SREK1IP1: variants seen among roughly 807,000 people sequenced by gnomAD.
SREK1IP1 encodes the protein protein SREK1IP1.
SREK1IP1 carries 12 observed loss-of-function variants against 22.8 expected under a neutral mutation model. The observed-to-expected ratio is 0.53, with a 90% CI of 0.34 to 0.85. SREK1IP1 has a LOEUF of 0.85. Among genes scored for constraint, SREK1IP1 ranks in the 40% least tolerant of loss-of-function variants. The probability of loss-of-function intolerance (pLI) is 0.02; values close to 1 mark genes in which losing one functional copy is unlikely to be tolerated. For synonymous variants in SREK1IP1, 53 were observed against 52.7 expected, an observed-to-expected ratio of 1.01 and a Z score of -0.02; for missense variants, 147 against 171.8, an observed-to-expected ratio of 0.86 and a Z score of 0.81.
intron 1 of SREK1IP1, among the ~76,000 whole-genome samples, chr5:64,767,084 T>C (rs1743047095): frequency 6.6e-6 from 1 of 152,218 alleles, no homozygotes; most frequent in African/African-American, 2.4e-5. Flanking sequence ...CTCCCATCTG[T>C]ATTTGAGTTC....
At chr5:64,759,476 ATGACC>A (rs1742908229) in intron 1 of SREK1IP1, among the ~76,000 whole-genome samples, 1 of 152,160 alleles carries the variant, frequency 6.6e-6, no homozygotes, top group African/African-American at 2.4e-5. Flanking sequence ...CTTTCTAATC[ATGACC>A]TGCAATCCAA....
At position 64,768,690 on chromosome 5, in the gene SREK1IP1, A is replaced by C. The variant is rs1743119492; in HGVS notation, c.-173T>G. On this transcript the variant is annotated 5_prime_UTR_variant, in exon 1 of 5. Transcript: ENST00000513458. The stretch of plus-strand genomic sequence containing the variant: ...CCTCTAGCGACGGCAGAACCAGTAG[A>C]TGCGGATGCAGTTTCCGGACGAGTC... 1.3e-6 allele frequency: 1 copy of C among 766,886 alleles called. No homozygotes were observed. Among genetic ancestry groups the C allele is most frequent in the Non-Finnish European group, 2.2e-6 (1 of 463,526 alleles). The allele number at this position is 766,886 out of a possible 1,614,324, so 47.5% of individuals were successfully genotyped here. A position where few individuals can be genotyped will look rare whatever the true frequency, so the allele number is the denominator to read the frequency against.
intron 2 of SREK1IP1, among the ~76,000 whole-genome samples, chr5:64,747,657 G>A (rs544303368): frequency 1.3e-5 from 2 of 151,656 alleles, no homozygotes; most frequent in Admixed American, 1.3e-4. Context: ...GGCCGGGCGC[G>A]GTGGCTCACG....
rs1240831553 is a variant in SREK1IP1, at chr5:64,722,298, G to T, written c.*2086C>A. 6.6e-6 allele frequency: 1 copy of T among 151,990 alleles called. No homozygotes were observed. The highest frequency in any genetic ancestry group is 1.5e-5 in the Non-Finnish European group (1 of 67,986). The allele number at this position is 151,990 out of a possible 1,614,324, so 9.4% of individuals were successfully genotyped here. A position where few individuals can be genotyped will look rare whatever the true frequency, so the allele number is the denominator to read the frequency against. On this transcript the variant is annotated 3_prime_UTR_variant, in exon 5 of 5. Transcript: ENST00000513458. ...ACTTTTGCTCTTCTCAGTCATTATT[G>T]TGTCACCATTCAGAAACCTAATGAG...
intron 1 of SREK1IP1, among the ~76,000 whole-genome samples, chr5:64,762,025 C>T (rs781397190): frequency 1.1e-4 from 16 of 152,112 alleles, no homozygotes; most frequent in Non-Finnish European, 2.2e-4. Flanking sequence ...GTCAGTGGTC[C>T]GCAAAGGAAT....
rs145590204 is a variant in SREK1IP1 at position 64,726,734 on chromosome 5, C to A, written c.278+1373G>T. On this transcript the variant is annotated intron_variant, in intron 4 of 4. Transcript: ENST00000513458. Reference sequence around the variant, plus strand: ...CCCTTAAATATGCTCAGAACACTTACATTAGCCTCTAGTTGGGCAAAATCA... The same window carrying A: ...CCCTTAAATATGCTCAGAACACTTAAATTAGCCTCTAGTTGGGCAAAATCA... Among the ~76,000 whole-genome samples, 1,038 of 152,258 alleles carry A rather than the reference C, an allele frequency of 6.8e-3. 11 individuals are homozygous for A. The highest frequency in any genetic ancestry group is 0.024 in the African/African-American group (1,013 of 41,556).
chr5:64,759,982 G>T (rs541729284), intron 1 of SREK1IP1, among the ~76,000 whole-genome samples: 4 of 152,242 alleles, frequency 2.6e-5, no homozygotes, highest in Non-Finnish European at 4.4e-5. Context: ...TCACATTTGG[G>T]AATTAGTTCT....
chr5:64,721,381 C>T lies in SREK1IP1; in HGVS notation c.*3003G>A, dbSNP rs1742158536. On this transcript the variant is annotated 3_prime_UTR_variant, in exon 5 of 5. Transcript: ENST00000513458. ...TTTATCAACATTATTAACAACTCTT[C>T]AGCCTAGTTTACTCTGAAGGTAAAC... is the stretch of plus-strand genomic sequence containing the variant. 1 of 152,138 alleles carries T rather than the reference C, an allele frequency of 6.6e-6. No homozygotes were observed. The highest frequency in any genetic ancestry group is 2.1e-4 in the South Asian group (1 of 4,830). The allele number at this position is 152,138 out of a possible 1,614,324, so 9.4% of individuals were successfully genotyped here.
At chr5:64,734,809 T>C (rs1054315453) in intron 3 of SREK1IP1, among the ~76,000 whole-genome samples, 2 of 152,124 alleles carry the variant, frequency 1.3e-5, no homozygotes, top group Admixed American at 1.3e-4. Context: ...AGAAGCTTTT[T>C]TGAAAGATTC....
At chr5:64,734,125 C>T (rs1742420089) in intron 3 of SREK1IP1, among the ~76,000 whole-genome samples, 1 of 152,014 alleles carries the variant, frequency 6.6e-6, no homozygotes, top group East Asian at 1.9e-4. Context: ...AGGTAAGGGA[C>T]AAAAGGGTCT....
chr5:64,724,694 A>T lies in SREK1IP1; in HGVS notation c.279-121T>A, dbSNP rs901183167. 5.3e-6 allele frequency: 4 copies of T among 755,100 alleles called. No homozygotes were observed. The African/African-American group carries it at 7.2e-5, about 14-fold the overall frequency. 46.8% of individuals were successfully genotyped at this position (755,100 alleles called of 1,614,324 possible). A position where few individuals can be genotyped will look rare whatever the true frequency, so the allele number is the denominator to read the frequency against. On this transcript the variant is annotated intron_variant, in intron 4 of 4. Transcript: ENST00000513458. ...AGGTAGGGAGTATAAACATAAACTT[A>T]AAAAATGCTTCATATATTTGCATTC... is the stretch of plus-strand genomic sequence containing the variant.
chr5:64,754,491 G>C (rs188050207), intron 1 of SREK1IP1, 129 bp from the exon 2 acceptor site: 2 of 810,948 alleles, frequency 2.5e-6, no homozygotes, highest in Non-Finnish European at 3.9e-6. Flanking sequence ...TTGAGACAAG[G>C]TGTCACTCTG....
intron 3 of SREK1IP1, among the ~76,000 whole-genome samples, chr5:64,731,187 T>A (rs1742372080): frequency 2.0e-5 from 3 of 151,414 alleles, no homozygotes; most frequent in Admixed American, 2.0e-4. Context: ...AGAAGATGAG[T>A]TAGGGTGTTG....
intron 2 of SREK1IP1, among the ~76,000 whole-genome samples, chr5:64,749,095 A>AATG (rs1742697301): frequency 6.8e-6 from 1 of 147,746 alleles, no homozygotes; most frequent in South Asian, 2.1e-4. Context: ...TAATAATAAT[A>AATG]ATAATAATAA....
intron 3 of SREK1IP1, among the ~76,000 whole-genome samples, chr5:64,731,071 T>C (rs1742370378): frequency 6.6e-6 from 1 of 152,030 alleles, no homozygotes; most frequent in South Asian, 2.1e-4. Context: ...AAGCGTACAG[T>C]GTATGCCATT....
intron 1 of SREK1IP1, among the ~76,000 whole-genome samples, chr5:64,759,357 A>C (rs1742906152): frequency 6.6e-6 from 1 of 152,192 alleles, no homozygotes; most frequent in Admixed American, 6.5e-5. Flanking sequence ...TACTCAGCTA[A>C]GTTACCTACT....
In SREK1IP1 at chr5:64,719,614, A is replaced by G. The variant is rs1413667819; in HGVS notation, c.*4770T>C. ...TTAGTTAAGGCACTGGCACCATTCTACTTTTGTTGCTCATGGCCAAGGACT... is the reference window on the plus strand; with the variant it reads ...TTAGTTAAGGCACTGGCACCATTCTGCTTTTGTTGCTCATGGCCAAGGACT... On this transcript the variant is annotated 3_prime_UTR_variant, in exon 5 of 5. Transcript: ENST00000513458. 1.3e-5 allele frequency: 2 copies of G among 152,200 alleles called. No individual in the cohort carries two copies. Among genetic ancestry groups the G allele is most frequent in the East Asian group, 1.9e-4 (1 of 5,194 alleles). The allele number at this position is 152,200 out of a possible 1,614,324, so 9.4% of individuals were successfully genotyped here.
intron 4 of SREK1IP1, among the ~76,000 whole-genome samples, chr5:64,725,212 A>C (rs753044577): frequency 4.6e-5 from 7 of 152,142 alleles, no homozygotes; most frequent in Non-Finnish European, 1.0e-4. Flanking sequence ...TGTGCTTTTG[A>C]AAAATATTAC....
chr5:64,729,038 A>C (rs1410943539), intron 3 of SREK1IP1, among the ~76,000 whole-genome samples: 2 of 152,170 alleles, frequency 1.3e-5, no homozygotes, highest in African/African-American at 4.8e-5. Context: ...TAAAAATACA[A>C]AAAATTAGCC....
Sources: gnomAD v4.1 joint callset for allele counts (sites outside exome capture counted in the v4.1 genomes callset) on GRCh38, gnomAD v4.1.1 for gene constraint, MANE v1.5 for transcripts, NCBI Gene and HGNC (gene_info 2026-07-23, HGNC 2026-07-21) for gene names.